The following H3-3A variants were observed in gnomAD, a reference collection of about 807,000 sequenced individuals.
The protein encoded by H3-3A is histone H3.3.
For missense variants in H3-3A, 7 were observed against 184.0 expected (o/e 0.04, Z 5.57); for synonymous variants, 49 against 61.4 (o/e 0.80, Z 0.95).
intron 1 of H3-3A, among the ~76,000 whole-genome samples, chr1:226,063,319 CCGTTTCTCTCT>C (rs1328582457): frequency 6.6e-6 from 1 of 152,192 alleles, no homozygotes; most frequent in African/African-American, 2.4e-5. Context: ...ATTTTTTCCC[CCGTTTCTCTCT>C]TCCCCATTTC....
rs1402599589 is a variant in H3-3A, at chr1:226,070,793, G to A, written c.283-558G>A. Among the ~76,000 whole-genome samples the A allele has an allele frequency of 6.7e-5, 10 of 149,080 alleles. No individual in the cohort carries two copies. In the East Asian group the frequency reaches 1.8e-3, roughly 27 times the overall value. ...ATCTCAGAAAGAAAGAAAGAAATACGGAACTAACTTGTGATATGTTCTGGA... is the reference window on the plus strand; with the variant it reads ...ATCTCAGAAAGAAAGAAAGAAATACAGAACTAACTTGTGATATGTTCTGGA... On this transcript the variant is annotated intron_variant, in intron 3 of 3. Coordinates refer to ENST00000366815, the MANE Select transcript of H3-3A (RefSeq NM_002107.7).
At chr1:226,065,881 A>T in intron 3 of H3-3A, 72 bp downstream of exon 3, 2 of 1,098,952 alleles carry the variant, frequency 1.8e-6, no homozygotes, top group African/African-American at 1.6e-5. Flanking sequence ...AAATTGTTGC[A>T]TGTGCTTATA....
chr1:226,064,297 T>C lies in H3-3A; in HGVS notation c.-23-32T>C. On this transcript the variant is annotated intron_variant, in intron 1 of 3. Transcript: ENST00000366815. Reference sequence around the variant, plus strand: ...AAAAGTTGTATGTTTGGTAGTTGCATATGGTGATTTTTGATTTTTCAATGC... The same window carrying C: ...AAAAGTTGTATGTTTGGTAGTTGCACATGGTGATTTTTGATTTTTCAATGC... 12 of 1,547,888 alleles carry C rather than the reference T, an allele frequency of 7.8e-6. No individual in the cohort carries two copies. In the South Asian group the frequency reaches 1.1e-4, roughly 15 times the overall value.
chr1:226,064,096 A>G (rs963347206), intron 1 of H3-3A: 1 of 326,922 alleles, frequency 3.1e-6, no homozygotes, highest in African/African-American at 2.2e-5. Flanking sequence ...GTCGCTCAGA[A>G]TTGGCATTTT....
chr1:226,070,051 G>A lies in H3-3A; in HGVS notation c.283-1300G>A, dbSNP rs140145865. Among the ~76,000 whole-genome samples the A allele has an allele frequency of 5.6e-3, 857 of 152,284 alleles. 6 individuals carry two copies. Among genetic ancestry groups the A allele is most frequent in the Middle Eastern group, 0.017 (5 of 294 alleles). ...TAAGATAACTTGAAAGGATCTTACA[G>A]TCAAATGGGAAAAACCAGAGAAATC... On this transcript the variant is annotated intron_variant, in intron 3 of 3. Transcript: ENST00000366815.
chr1:226,062,160 A>G (rs952655683), upstream of H3-3A: 3 of 151,632 alleles, frequency 2.0e-5, no homozygotes, highest in South Asian at 4.1e-4. Context: ...GCGTTTTCCA[A>G]TGGGGCGCGG....
chr1:226,070,466 C>T (rs1014561803), intron 3 of H3-3A, among the ~76,000 whole-genome samples: 6 of 149,522 alleles, frequency 4.0e-5, no homozygotes, highest in African/African-American at 7.4e-5. Context: ...AGAGAGACTC[C>T]GTCTCAAAAT....
At position 226,064,959 on chromosome 1, in the gene H3-3A, C is replaced by T. The variant is rs543027571; in HGVS notation, c.128+480C>T. 2.3e-4 allele frequency among the ~76,000 whole-genome samples: 35 copies of T among 152,236 alleles called. No individual in the cohort carries two copies. In the South Asian group the frequency reaches 4.8e-3, roughly 21 times the overall value. ...TCTTTTGATTGTGAACTACCTGAGC[C>T]ACTGTGTTGTTAAGGGCATCTGCCA... is the stretch of plus-strand genomic sequence containing the variant. On this transcript the variant is annotated intron_variant, in intron 2 of 3. Transcript: ENST00000366815.
intron 3 of H3-3A, among the ~76,000 whole-genome samples, chr1:226,069,204 G>A (rs1011024509): frequency 1.3e-5 from 2 of 151,962 alleles, no homozygotes; most frequent in South Asian, 2.1e-4. Context: ...ATGCCACCAC[G>A]CCCAGCTACT....
At chr1:226,065,605 T>G in intron 2 of H3-3A, 51 bp from the exon 3 acceptor site, 2 of 1,375,004 alleles carry the variant, frequency 1.5e-6, no homozygotes, top group Non-Finnish European at 2.0e-6. Flanking sequence ...CCACTTACCT[T>G]TTTGTGCTAG....
At chr1:226,067,057 C>T (rs1015694899) in intron 3 of H3-3A, 2 of 152,094 alleles carry the variant, frequency 1.3e-5, no homozygotes, top group East Asian at 1.9e-4. Flanking sequence ...TTATTTATTA[C>T]TAAATACAGA....
intron 3 of H3-3A, 123 bp downstream of exon 3, chr1:226,065,932 T>A (rs1487331767): frequency 1.2e-6 from 1 of 803,684 alleles, no homozygotes. Flanking sequence ...ATATTGTTAC[T>A]TCACTGTTGA....
At chr1:226,065,971 T>A in intron 3 of H3-3A, 162 bp downstream of exon 3, 1 of 658,860 alleles carries the variant, frequency 1.5e-6, no homozygotes, top group Non-Finnish European at 2.8e-6. Flanking sequence ...TTGCTCAAGG[T>A]CATACACGTA....
At chr1:226,066,986 A>C (rs1398182325) in intron 3 of H3-3A, 1 of 152,196 alleles carries the variant, frequency 6.6e-6, no homozygotes, top group African/African-American at 2.4e-5. Context: ...AACTACTAAA[A>C]TCTTCCATGT....
At chr1:226,062,848 GC>G in intron 1 of H3-3A, 37 bp downstream of exon 1, 1 of 158,682 alleles carries the variant, frequency 6.3e-6, no homozygotes. Flanking sequence ...CCGGAACCGA[GC>G]CCCGCTTGCC....
intron 3 of H3-3A, among the ~76,000 whole-genome samples, chr1:226,069,139 C>G (rs1194623293): frequency 6.6e-6 from 1 of 151,800 alleles, no homozygotes; most frequent in Non-Finnish European, 1.5e-5. Flanking sequence ...CTCCGCCTCC[C>G]GGGTTCAAGC....
intron 2 of H3-3A, 107 bp from the exon 3 acceptor site, chr1:226,065,549 T>C (rs1657897286): frequency 9.8e-6 from 7 of 714,332 alleles, no homozygotes; most frequent in Admixed American, 6.0e-5. Context: ...GAAGAATTGT[T>C]GGGTGGCTTA....
intron 2 of H3-3A, 26 bp downstream of exon 2, chr1:226,064,505 G>A (rs2102735883): frequency 6.3e-7 from 1 of 1,595,212 alleles, no homozygotes; most frequent in Non-Finnish European, 8.6e-7. Flanking sequence ...AAAAAAATGG[G>A]ACAAAGTCTC....
chr1:226,062,570 C>G (rs1377781825), upstream of H3-3A: 3 of 101,876 alleles, frequency 2.9e-5, no homozygotes, highest in African/African-American at 1.3e-4. Context: ...CGCCAGCGAA[C>G]GGGCGCGCGG....
Sources: allele counts gnomAD v4.1 joint callset (sites outside exome capture counted in the v4.1 genomes callset), GRCh38; gene constraint gnomAD v4.1.1; transcripts MANE v1.5; gene names NCBI Gene and HGNC (gene_info 2026-07-23, HGNC 2026-07-21).